The following NR3C1 variants were observed in gnomAD, a reference collection of about 807,000 sequenced individuals.
NR3C1 encodes glucocorticoid receptor.
A neutral mutation model predicts 74.0 loss-of-function variants in NR3C1; 14 were observed. The ratio of observed to expected loss-of-function variants is 0.19; its 90% CI spans 0.12 to 0.30. NR3C1 has a LOEUF of 0.30. NR3C1 is among the 10% of genes least tolerant of loss of function. NR3C1 has a pLI of 1.00. For synonymous variants in NR3C1, 308 were observed against 332.5 expected, an observed-to-expected ratio of 0.93 and a Z score of 0.80; for missense variants, 695 against 909.8, an observed-to-expected ratio of 0.76 and a Z score of 3.04.
At chr5:143,397,405 T>C (rs1265009028) in intron 2 of NR3C1, among the ~76,000 whole-genome samples, 1 of 151,914 alleles carries the variant, frequency 6.6e-6, no homozygotes, top group East Asian at 1.9e-4. Flanking sequence ...ATGTAACATA[T>C]AGAGAAGAGA....
chr5:143,346,926 C>G (rs1427647074), intron 2 of NR3C1, among the ~76,000 whole-genome samples: 1 of 152,160 alleles, frequency 6.6e-6, no homozygotes, highest in Non-Finnish European at 1.5e-5. Context: ...TAATGAAAAT[C>G]GACTTCTGAT....
rs535730492 is a variant in NR3C1 at position 143,364,292 on chromosome 5, C to T, written c.1184+35364G>A. On this transcript the variant is annotated intron_variant, in intron 2 of 8. Coordinates refer to ENST00000394464, the MANE Select transcript of NR3C1 (RefSeq NM_000176.3). ...AACCAAGAATTCTGTATCCTGCCAA[C>T]ACTATCCTTCAAAAATGAAGGATAA... is the stretch of plus-strand genomic sequence containing the variant. Among the ~76,000 whole-genome samples, 38 of 152,312 alleles carry T rather than the reference C, an allele frequency of 2.5e-4. 2 individuals are homozygous for T. In the South Asian group the frequency reaches 7.2e-3, roughly 29 times the overall value.
intron 2 of NR3C1, among the ~76,000 whole-genome samples, chr5:143,318,220 G>C (rs1822576759): frequency 1.3e-5 from 2 of 152,128 alleles, no homozygotes; most frequent in Admixed American, 6.6e-5. Flanking sequence ...TGAGCCTGTA[G>C]AAGGTTAATG....
intron 2 of NR3C1, among the ~76,000 whole-genome samples, chr5:143,361,975 A>G (rs1440902487): frequency 6.6e-6 from 1 of 152,212 alleles, no homozygotes; most frequent in African/African-American, 2.4e-5. Context: ...CAGTATTTTT[A>G]ATTATTGGCT....
At chr5:143,359,913 G>A (rs769552570) in intron 2 of NR3C1, among the ~76,000 whole-genome samples, 21 of 152,018 alleles carry the variant, frequency 1.4e-4, no homozygotes, top group African/African-American at 2.4e-4. Context: ...ACGAGACTCC[G>A]TCTCAAAAAT....
intron 2 of NR3C1, among the ~76,000 whole-genome samples, chr5:143,340,575 T>A (rs796603217): frequency 6.3e-5 from 9 of 142,370 alleles, no homozygotes; most frequent in African/African-American, 2.3e-4. Context: ...CTCCGCCTCC[T>A]GGGTTGAAGA....
chr5:143,297,733 G>T (rs1174735865), intron 6 of NR3C1, among the ~76,000 whole-genome samples: 2 of 152,180 alleles, frequency 1.3e-5, no homozygotes, highest in Non-Finnish European at 2.9e-5. Context: ...GGTACGAAAA[G>T]TAGTAATACA....
At chr5:143,403,152 T>C (rs925099228) in intron 1 of NR3C1, 59 bp downstream of exon 1, 2 of 980,366 alleles carry the variant, frequency 2.0e-6, no homozygotes, top group African/African-American at 3.6e-5. Flanking sequence ...TTGTCTCCGG[T>C]CCCAGCGGCA....
At chr5:143,326,487 T>C (rs1229988009) in intron 2 of NR3C1, among the ~76,000 whole-genome samples, 3 of 152,194 alleles carry the variant, frequency 2.0e-5, no homozygotes, top group African/African-American at 7.2e-5. Context: ...ATTAAGATAA[T>C]GTCATGCTGG....
At chr5:143,427,585 T>C (rs4912912) in intron 1 of NR3C1, among the ~76,000 whole-genome samples, 55,852 of 152,054 alleles carry the variant, frequency 0.37, 11,376 homozygotes, top group Non-Finnish European at 0.45. Context: ...TAAACAAACA[T>C]GGAGGACCTG....
At chr5:143,321,452 C>T (rs1453990516) in intron 2 of NR3C1, among the ~76,000 whole-genome samples, 1 of 151,996 alleles carries the variant, frequency 6.6e-6, no homozygotes, top group Non-Finnish European at 1.5e-5. Flanking sequence ...TAATGCATGC[C>T]TTCTCTCACC....
At chr5:143,310,068 A>AT in intron 4 of NR3C1, 29 bp downstream of exon 4, 1 of 1,498,376 alleles carries the variant, frequency 6.7e-7, no homozygotes, top group Non-Finnish European at 9.3e-7. Flanking sequence ...CTACAGAGAC[A>AT]AACAATTGCT....
chr5:143,333,177 G>A, intron 2 of NR3C1: 5 of 1,578,072 alleles, frequency 3.2e-6, no homozygotes, highest in Non-Finnish European at 4.3e-6. Context: ...CTTCCTCAAG[G>A]AGATGGGCAC....
At chr5:143,304,678 C>T (rs1460259901) in intron 4 of NR3C1, among the ~76,000 whole-genome samples, 11 of 151,824 alleles carry the variant, frequency 7.2e-5, no homozygotes, top group South Asian at 4.2e-4. Context: ...CTATAGTAAC[C>T]GAAACAGCAT....
chr5:143,346,010 T>C (rs1829218841), intron 2 of NR3C1, among the ~76,000 whole-genome samples: 1 of 152,202 alleles, frequency 6.6e-6, no homozygotes, highest in Admixed American at 6.5e-5. Flanking sequence ...GGATCCCAAA[T>C]AAGTAGACCA....
upstream of NR3C1, chr5:143,404,090 C>G: frequency 1.0e-6 from 1 of 985,478 alleles, no homozygotes; most frequent in Non-Finnish European, 1.2e-6. Flanking sequence ...CAGACCCACT[C>G]GGGAGCTCGC....
At chr5:143,369,714 G>A (rs1358197853) in intron 2 of NR3C1, among the ~76,000 whole-genome samples, 1 of 152,184 alleles carries the variant, frequency 6.6e-6, no homozygotes, top group African/African-American at 2.4e-5. Flanking sequence ...GCAACACACA[G>A]AACAGCCCTG....
At chr5:143,370,395 C>G (rs1222230036) in intron 2 of NR3C1, among the ~76,000 whole-genome samples, 2 of 152,194 alleles carry the variant, frequency 1.3e-5, no homozygotes, top group African/African-American at 4.8e-5. Context: ...AAGAATAATG[C>G]ATATCGTCAG....
At chr5:143,425,590 A>T (rs1000034122) in intron 1 of NR3C1, among the ~76,000 whole-genome samples, 1 of 152,194 alleles carries the variant, frequency 6.6e-6, no homozygotes, top group Non-Finnish European at 1.5e-5. Flanking sequence ...TCTAAAGAAG[A>T]TGTGCAACTA....
Sources: gnomAD v4.1 joint callset for allele counts (sites outside exome capture counted in the v4.1 genomes callset) on GRCh38, gnomAD v4.1.1 for gene constraint, MANE v1.5 for transcripts, NCBI Gene and HGNC (gene_info 2026-07-23, HGNC 2026-07-21) for gene names.